The following GRAMD1B variants were observed in gnomAD, a reference collection of about 807,000 sequenced individuals.
The protein encoded by GRAMD1B is GRAM domain containing 1B.
GRAMD1B carries 37 observed loss-of-function variants against 99.7 expected under a neutral mutation model. That is an observed-to-expected ratio of 0.37 (90% CI 0.29 to 0.49). GRAMD1B has a LOEUF of 0.49. Ranked by LOEUF, GRAMD1B falls within the 20% of genes least tolerant of loss-of-function variation. GRAMD1B has a pLI of 0.98. For synonymous variants in GRAMD1B, 427 were observed against 387.6 expected, an observed-to-expected ratio of 1.10 and a Z score of -1.19; for missense variants, 888 against 1,009.2, an observed-to-expected ratio of 0.88 and a Z score of 1.63.
chr11:123,514,143 C>A (rs577674486), intron 2 of GRAMD1B, among the ~76,000 whole-genome samples: 3 of 152,102 alleles, frequency 2.0e-5, no homozygotes, highest in Admixed American at 6.5e-5. Context: ...GACAAGTAAA[C>A]AAATTATGGC....
chr11:123,479,469 G>A (rs1362248047), intron 1 of GRAMD1B, among the ~76,000 whole-genome samples: 2 of 152,180 alleles, frequency 1.3e-5, no homozygotes, highest in African/African-American at 2.4e-5. Flanking sequence ...TGCAGCAGGC[G>A]ATCCACCAGA....
rs1955558983 is a variant in GRAMD1B, at chr11:123,627,390, G to A, written c.*4795G>A. ...CAAGGGCCAGACCACTCTCTGCATG[G>A]ACCAGACCATCTTCCCAAACCCATG... On this transcript the variant is annotated 3_prime_UTR_variant, in exon 20 of 20. Transcript: ENST00000635736. The A allele has an allele frequency of 6.6e-6, 1 of 152,324 alleles. No individual in the cohort carries two copies. The highest frequency in any genetic ancestry group is 1.5e-5 in the Non-Finnish European group (1 of 68,130). 9.4% of individuals were successfully genotyped at this position (152,324 alleles called of 1,614,324 possible).
Position 123,430,761 on chromosome 11 carries a change from G to A in GRAMD1B, c.-32G>A. On this transcript the variant is annotated 5_prime_UTR_variant, in exon 1 of 20. Transcript: ENST00000635736. Reference sequence around the variant, plus strand: ...GACGCGAACCAGGCCGCTGGCGGAGGGCTCAGGGGGAGCGCAGAGGCGACG... The same window carrying A: ...GACGCGAACCAGGCCGCTGGCGGAGAGCTCAGGGGGAGCGCAGAGGCGACG... The A allele has an allele frequency of 1.6e-6, 1 of 625,420 alleles. No individual in the cohort carries two copies. The highest frequency in any genetic ancestry group is 2.8e-6 in the Non-Finnish European group (1 of 351,708). 38.7% of individuals were successfully genotyped at this position (625,420 alleles called of 1,614,324 possible). A position where few individuals can be genotyped will look rare whatever the true frequency, so the allele number is the denominator to read the frequency against.
chr11:123,609,975 G>A, intron 13 of GRAMD1B, 62 bp downstream of exon 13: 1 of 1,015,332 alleles, frequency 9.8e-7, no homozygotes, highest in South Asian at 1.4e-5. Flanking sequence ...TGTCTTGAAG[G>A]ATTAAGGGCA....
chr11:123,579,543 C>T (rs1949100526), intron 3 of GRAMD1B, among the ~76,000 whole-genome samples: 1 of 152,146 alleles, frequency 6.6e-6, no homozygotes, highest in Non-Finnish European at 1.5e-5. Flanking sequence ...CAGGTGCAGG[C>T]ATATCTGATA....
At chr11:123,363,382 T>A (rs1946209714) in intron 1 of GRAMD1B, among the ~76,000 whole-genome samples, 1 of 152,180 alleles carries the variant, frequency 6.6e-6, no homozygotes, top group African/African-American at 2.4e-5. Context: ...TAAGAAGGTA[T>A]CCTCAAGAGA....
At chr11:123,573,185 C>T (rs1948351711) in intron 2 of GRAMD1B, among the ~76,000 whole-genome samples, 1 of 152,160 alleles carries the variant, frequency 6.6e-6, no homozygotes, top group Admixed American at 6.5e-5. Flanking sequence ...CAGTTAGACC[C>T]CGATGGCTGA....
chr11:123,436,252 T>A lies in GRAMD1B; in HGVS notation c.374+5086T>A, dbSNP rs143540163. On this transcript the variant is annotated intron_variant, in intron 1 of 19. Coordinates refer to ENST00000635736, the MANE Select transcript of GRAMD1B (RefSeq NM_001387025.1). ...CACTGTGCCTGACTGAAACTCATACTTTTTGGCTAGCACCTTCACCCTCTC... is the reference window on the plus strand; with the variant it reads ...CACTGTGCCTGACTGAAACTCATACATTTTGGCTAGCACCTTCACCCTCTC... Among the ~76,000 whole-genome samples the A allele has an allele frequency of 4.3e-3, 650 of 152,256 alleles. 3 individuals are homozygous for A. The highest frequency in any genetic ancestry group is 3.6e-3 in the Non-Finnish European group (248 of 68,006).
chr11:123,389,926 T>C (rs980921814), intron 1 of GRAMD1B, among the ~76,000 whole-genome samples: 10 of 152,054 alleles, frequency 6.6e-5, no homozygotes, highest in African/African-American at 1.2e-4. Context: ...GGCTAATGTT[T>C]TCCCATTTTT....
chr11:123,411,902 C>G (rs749277159), intron 1 of GRAMD1B, among the ~76,000 whole-genome samples: 25 of 151,980 alleles, frequency 1.6e-4, no homozygotes, highest in Non-Finnish European at 2.4e-4. Flanking sequence ...GCCTGCCTCA[C>G]CCTCCAATTT....
At chr11:123,382,174 C>T (rs576947368) in intron 1 of GRAMD1B, among the ~76,000 whole-genome samples, 1 of 152,308 alleles carries the variant, frequency 6.6e-6, no homozygotes, top group East Asian at 1.9e-4. Flanking sequence ...ATACTGATTT[C>T]ATTCATTATC....
intron 1 of GRAMD1B, among the ~76,000 whole-genome samples, chr11:123,477,605 C>T (rs1951352524): frequency 7.6e-6 from 1 of 132,382 alleles, no homozygotes; most frequent in African/African-American, 2.8e-5. Context: ...TCCCTCCCGT[C>T]TCCCTTCCTT....
chr11:123,584,331 A>G lies in GRAMD1B; in HGVS notation c.683A>G (p.Asn228Ser), dbSNP rs369716573. ...KNSKKSQSWY[N>S]VLSPTYKQRN... ...TTTCAGAAAAGCCAGAGTTGGTATA[A>G]TGTAAGTATTCCTGTTTCCCTTCTT... is the stretch of plus-strand genomic sequence containing the variant. The change falls in exon 4 of 20, where the codon AAT (asparagine) becomes AGT (serine). Residue 228 changes from asparagine to serine, a missense_variant and splice_region_variant. Asn to Ser is a conservative substitution (Grantham distance 46). This residue lies in a region of GRAMD1B where 62 missense variants were observed against 139.4 expected (regional missense o/e 0.44). Transcript: ENST00000635736. 2 of 819,332 alleles carry G rather than the reference A, an allele frequency of 2.4e-6. No homozygotes were observed. The highest frequency in any genetic ancestry group is 3.1e-6 in the Non-Finnish European group (2 of 650,986). The allele number at this position is 819,332 out of a possible 1,614,324, so 50.8% of individuals were successfully genotyped here.
intron 1 of GRAMD1B, among the ~76,000 whole-genome samples, chr11:123,414,086 C>T (rs2135985237): frequency 6.6e-6 from 1 of 151,448 alleles, no homozygotes; most frequent in African/African-American, 2.4e-5. Flanking sequence ...GCTCTGTTGC[C>T]CAGGCTGCAA....
At chr11:123,360,364 C>T (rs537554236) in intron 1 of GRAMD1B, among the ~76,000 whole-genome samples, 11 of 152,236 alleles carry the variant, frequency 7.2e-5, no homozygotes, top group African/African-American at 2.4e-4. Flanking sequence ...TGGTGTACAG[C>T]GAGGTTTCTA....
chr11:123,488,930 A>AG (rs908765804), intron 2 of GRAMD1B, among the ~76,000 whole-genome samples: 8 of 148,114 alleles, frequency 5.4e-5, no homozygotes, highest in South Asian at 2.2e-4. Context: ...GAAAATAGTT[A>AG]GGGGGGGGCG....
chr11:123,569,388 T>C (rs973281403), intron 2 of GRAMD1B, among the ~76,000 whole-genome samples: 1 of 152,146 alleles, frequency 6.6e-6, no homozygotes, highest in African/African-American at 2.4e-5. Context: ...TGATTTGGGC[T>C]TTTCACTCCC....
At chr11:123,571,179 C>A (rs1193603452) in intron 2 of GRAMD1B, among the ~76,000 whole-genome samples, 1 of 152,208 alleles carries the variant, frequency 6.6e-6, no homozygotes, top group Non-Finnish European at 1.5e-5. Context: ...ACCGGAACAC[C>A]AACTAACTAT....
chr11:123,440,972 C>T (rs917653578), intron 1 of GRAMD1B, among the ~76,000 whole-genome samples: 3 of 152,166 alleles, frequency 2.0e-5, no homozygotes, highest in Admixed American at 6.5e-5. Flanking sequence ...TTTCCTTGCA[C>T]AAGCCCTCTT....
Sources: gnomAD v4.1 joint callset for allele counts (sites outside exome capture counted in the v4.1 genomes callset) on GRCh38, gnomAD v4.1.1 for gene constraint, gnomAD v4.1.1 regional missense constraint, MANE v1.5 for transcripts, NCBI Gene and HGNC (gene_info 2026-07-23, HGNC 2026-07-21) for gene names.